Variants in RARB observed in about 807,000 individuals in gnomAD.
RARB encodes the protein HBV-activated protein.
Under a neutral mutation model 51.9 loss-of-function variants are expected in RARB, and 17 were observed. The observed-to-expected ratio is 0.33, with a 90% CI of 0.22 to 0.49. The LOEUF (loss-of-function observed/expected upper bound fraction) is 0.49, where lower values mean the gene tolerates loss of function less well. Ranked by LOEUF, RARB falls within the 20% of genes least tolerant of loss-of-function variation. RARB has a pLI of 0.99. For missense variants in RARB, 369 were observed against 550.8 expected, an observed-to-expected ratio of 0.67 and a Z score of 3.30; for synonymous variants, 215 against 195.4, an observed-to-expected ratio of 1.10 and a Z score of -0.84.
rs1293994709 is a variant in RARB, at chr3:25,146,080, G to A, written c.-280+13872G>A. Among the ~76,000 whole-genome samples, 10 of 152,184 alleles carry A rather than the reference G, an allele frequency of 6.6e-5. No homozygotes were observed. In the East Asian group the frequency reaches 1.9e-3, roughly 29 times the overall value. ...AGTCCTAGAGTCAGGCAGCCTGCAT[G>A]CAAATCCTGGCCTTGCCCCTCACTA... On this transcript the variant is annotated intron_variant, in intron 4 of 11. Transcript: ENST00000383772.
intron 5 of RARB, among the ~76,000 whole-genome samples, chr3:25,221,600 AG>A (rs1369834051): frequency 6.6e-6 from 1 of 152,122 alleles, no homozygotes; most frequent in Non-Finnish European, 1.5e-5. Flanking sequence ...TCCCCCTAAA[AG>A]TAATCTGTCA....
intron 5 of RARB, among the ~76,000 whole-genome samples, chr3:25,253,464 A>T (rs1488982411): frequency 6.6e-6 from 1 of 152,200 alleles, no homozygotes; most frequent in Non-Finnish European, 1.5e-5. Flanking sequence ...ATTCAAAGAA[A>T]TAGTTAATGT....
chr3:25,330,531 G>C (rs956925983), intron 5 of RARB, among the ~76,000 whole-genome samples: 1 of 152,018 alleles, frequency 6.6e-6, no homozygotes, highest in Non-Finnish European at 1.5e-5. Flanking sequence ...ACATGGAAAG[G>C]AACAACCAGT....
chr3:25,136,136 T>G (rs967015102), intron 4 of RARB, among the ~76,000 whole-genome samples: 2 of 151,898 alleles, frequency 1.3e-5, no homozygotes, highest in African/African-American at 4.8e-5. Context: ...TATAAAGGAT[T>G]TATTGGTCCA....
intron 5 of RARB, among the ~76,000 whole-genome samples, chr3:25,420,990 CCAAA>C (rs1470941556): frequency 3.2e-5 from 2 of 62,410 alleles, no homozygotes; most frequent in Non-Finnish European, 3.3e-5. Flanking sequence ...ACCACTTATG[CCAAA>C]AAAAAAAAAA....
At chr3:25,062,792 T>G (rs1698576922) in intron 3 of RARB, among the ~76,000 whole-genome samples, 1 of 152,078 alleles carries the variant, frequency 6.6e-6, no homozygotes, top group Middle Eastern at 3.4e-3. Flanking sequence ...TTACTGCTAA[T>G]TAGGTATAGG....
At chr3:25,364,042 C>G (rs1706037150) in intron 5 of RARB, among the ~76,000 whole-genome samples, 1 of 152,314 alleles carries the variant, frequency 6.6e-6, no homozygotes, top group South Asian at 2.1e-4. Flanking sequence ...AATGCCCTCT[C>G]CTAGCATTTC....
At chr3:25,011,825 G>T (rs1279850732) in intron 2 of RARB, among the ~76,000 whole-genome samples, 1 of 152,014 alleles carries the variant, frequency 6.6e-6, no homozygotes, top group African/African-American at 2.4e-5. Context: ...AGGCAAAGTA[G>T]GAATTTAAAC....
At chr3:25,474,805 G>A (rs533900272) in intron 2 of RARB, among the ~76,000 whole-genome samples, 1 of 152,246 alleles carries the variant, frequency 6.6e-6, no homozygotes, top group African/African-American at 2.4e-5. Context: ...TTCTAATTCA[G>A]TTGTATTTTG....
chr3:24,856,540 T>C (rs930919530), intron 1 of RARB, among the ~76,000 whole-genome samples: 1 of 152,244 alleles, frequency 6.6e-6, no homozygotes, highest in African/African-American at 2.4e-5. Flanking sequence ...CCTGATTCGT[T>C]GACTTATGTC....
At chr3:25,364,186 A>G (rs1014498311) in intron 5 of RARB, among the ~76,000 whole-genome samples, 1 of 152,092 alleles carries the variant, frequency 6.6e-6, no homozygotes, top group Admixed American at 6.6e-5. Flanking sequence ...CTGAATTCCA[A>G]AAGGGCAGGA....
At chr3:25,568,140 T>C (rs1013614710) in intron 3 of RARB, among the ~76,000 whole-genome samples, 9 of 152,214 alleles carry the variant, frequency 5.9e-5, no homozygotes, top group African/African-American at 2.2e-4. Context: ...ACCAGTGATC[T>C]AGAAATTTTC....
In RARB at chr3:25,194,918, T is replaced by G. The variant is rs9865573; in HGVS notation, c.178+20343T>G. ...CCTGGCTCTGCTTTTCAAAGCATGC[T>G]TGAAAGAGTATGGTGGAAAAGGACA... On this transcript the variant is annotated intron_variant, in intron 5 of 11. Coordinates refer to the RARB transcript ENST00000383772. 5.8e-3 allele frequency among the ~76,000 whole-genome samples: 876 copies of G among 152,114 alleles called. 14 individuals are homozygous for G. The highest frequency in any genetic ancestry group is 0.02 in the African/African-American group (825 of 41,534).
At position 24,971,452 on chromosome 3, in the gene RARB, A is replaced by G. The variant is rs186053980; in HGVS notation, c.-379-88673A>G. Among the ~76,000 whole-genome samples, 567 of 152,204 alleles carry G rather than the reference A, an allele frequency of 3.7e-3. 4 individuals are homozygous for G. The highest frequency in any genetic ancestry group is 0.013 in the African/African-American group (546 of 41,570). ...ATAACTTTAGTAAAAGATTTAGGAT[A>G]ACAGTGTTTTAACTCAAGTAGACCA... On this transcript the variant is annotated intron_variant, in intron 2 of 11. Coordinates refer to the RARB transcript ENST00000383772.
intron 5 of RARB, among the ~76,000 whole-genome samples, chr3:25,190,571 C>T (rs1177490344): frequency 6.6e-6 from 1 of 152,016 alleles, no homozygotes; most frequent in African/African-American, 2.4e-5. Flanking sequence ...CTAAAAAATG[C>T]ATTTATTTAA....
At chr3:25,133,831 G>GA (rs11425351) in intron 4 of RARB, among the ~76,000 whole-genome samples, 87,078 of 151,490 alleles carry the variant, frequency 0.57, 25,296 homozygotes, top group East Asian at 0.7. Flanking sequence ...GACACAAGGA[G>GA]GGGGGAAGGA....
Position 25,596,558 on chromosome 3 carries a change from G to T in RARB, c.1289G>T (p.Ser430Ile), listed in dbSNP as rs1229139931. The T allele has an allele frequency of 1.2e-6, 2 of 1,613,780 alleles. No individual in the cohort carries two copies. The highest frequency in any genetic ancestry group is 1.3e-5 in the African/African-American group (1 of 74,890). ...GGGAACACAGCAGAGCACAGTCCTAGCATCTCACCCAGCTCAGTGGAAAAC... is the reference window on the plus strand; with the variant it reads ...GGGAACACAGCAGAGCACAGTCCTATCATCTCACCCAGCTCAGTGGAAAAC... Reference protein sequence around the residue: ...SSGNTAEHSPSISPSSVENSG... With the variant: ...SSGNTAEHSPIISPSSVENSG... The change falls in exon 8 of 8, where the codon AGC (serine) becomes ATC (isoleucine). Residue 430 changes from serine to isoleucine, a missense_variant. By Grantham distance (142) the Ser-to-Ile change is moderately radical. Coordinates refer to ENST00000330688, the MANE Select transcript of RARB (RefSeq NM_000965.5).
intron 2 of RARB, among the ~76,000 whole-genome samples, chr3:25,486,180 C>T (rs1185381435): frequency 1.3e-5 from 2 of 152,120 alleles, no homozygotes; most frequent in African/African-American, 2.4e-5. Flanking sequence ...CTTACCAAAC[C>T]AGCCATGTGT....
intron 3 of RARB, among the ~76,000 whole-genome samples, chr3:25,505,679 A>AT (rs1559439893): frequency 6.6e-6 from 1 of 151,908 alleles, no homozygotes. Context: ...TGAAAAAAAA[A>AT]CTCGATTTTT....
Sources: gnomAD v4.1 joint callset for allele counts (sites outside exome capture counted in the v4.1 genomes callset) on GRCh38, gnomAD v4.1.1 for gene constraint, MANE v1.5 for transcripts, NCBI Gene and HGNC (gene_info 2026-07-23, HGNC 2026-07-21) for gene names.